Variants in CAMTA2 observed in about 807,000 individuals in gnomAD.
CAMTA2 encodes the protein calmodulin binding transcription activator 2.
Under a neutral mutation model 135.7 loss-of-function variants are expected in CAMTA2, and 56 were observed. The ratio of observed to expected loss-of-function variants is 0.41; its 90% CI spans 0.33 to 0.52. The LOEUF (loss-of-function observed/expected upper bound fraction) is 0.52, where lower values mean the gene tolerates loss of function less well. Among genes scored for constraint, CAMTA2 ranks in the 20% least tolerant of loss-of-function variants. The pLI is 0.16. For missense variants in CAMTA2, 1,358 were observed against 1,553.4 expected (o/e 0.87, Z 2.11); for synonymous variants, 591 against 604.6 (o/e 0.98, Z 0.33).
In CAMTA2 at chr17:4,985,909, G is replaced by A; in HGVS notation, c.106C>T (p.Pro36Ser). The A allele has an allele frequency of 1.2e-6, 2 of 1,613,920 alleles. No homozygotes were observed. The highest frequency in any genetic ancestry group is 1.7e-6 in the Non-Finnish European group (2 of 1,179,830). ...TTTGTATTCCACCGTAGCCTCTCTGGAGGCAGCAGCGGGCAGCGAGGAAGA... is the reference window on the plus strand; with the variant it reads ...TTTGTATTCCACCGTAGCCTCTCTGAAGGCAGCAGCGGGCAGCGAGGAAGA... ...ECLPRCPLLP[P>S]ERLRWNTNEE... The change falls in exon 3 of 23, where the codon CCA becomes TCA. Residue 36 changes from proline to serine, a missense_variant. Pro to Ser is a moderately conservative substitution (Grantham distance 74, BLOSUM62 -1). Around this residue, in one of 4 missense-constraint regions of CAMTA2, gnomAD observed 105 missense variants for 190.9 expected, o/e 0.55. Transcript: ENST00000348066.
chr17:4,987,355 A>G, intron 1 of CAMTA2: 1 of 1,355,318 alleles, frequency 7.4e-7, no homozygotes, highest in Non-Finnish European at 9.4e-7. Flanking sequence ...TGGGCGAGGG[A>G]CAGTGCAGGT....
Position 4,987,658 on chromosome 17 carries a change from C to G in CAMTA2, c.-130G>C, listed in dbSNP as rs1379951245. 1 of 1,519,982 alleles carries G rather than the reference C, an allele frequency of 6.6e-7. No homozygotes were observed. Among genetic ancestry groups the G allele is most frequent in the African/African-American group, 1.4e-5 (1 of 71,262 alleles). The allele number at this position is 1,519,982 out of a possible 1,614,324, so 94.2% of individuals were successfully genotyped here. On this transcript the variant is annotated 5_prime_UTR_variant, in exon 1 of 23. Transcript: ENST00000348066. Reference sequence around the variant, plus strand: ...ACCCCACACCGACCCCCCCCAGCGCCGGCTGACAGCGGCGTCTAACGTCAC... The same window carrying G: ...ACCCCACACCGACCCCCCCCAGCGCGGGCTGACAGCGGCGTCTAACGTCAC...
At chr17:4,986,487 C>CA in intron 1 of CAMTA2, 1 of 557,982 alleles carries the variant, frequency 1.8e-6, no homozygotes, top group Non-Finnish European at 3.2e-6. Flanking sequence ...GCAGACTGGA[C>CA]AGGAAGAGTG....
Position 4,981,847 on chromosome 17 carries a change from G to A in CAMTA2, c.412-16C>T. On this transcript the variant is annotated splice_polypyrimidine_tract_variant and intron_variant, in intron 6 of 22. Coordinates refer to ENST00000348066, the MANE Select transcript of CAMTA2 (RefSeq NM_015099.4). ...TGTCAGGGTTCTGAGAGTATAAGGGGACACACAGAGCCATGGGGTCCTGAG... is the reference window on the plus strand; with the variant it reads ...TGTCAGGGTTCTGAGAGTATAAGGGAACACACAGAGCCATGGGGTCCTGAG... 1 of 1,582,152 alleles carries A rather than the reference G, an allele frequency of 6.3e-7. No individual in the cohort carries two copies. Among genetic ancestry groups the A allele is most frequent in the South Asian group, 1.1e-5 (1 of 88,606 alleles).
At chr17:4,985,840 A>AG (rs773076081) in intron 3 of CAMTA2, 40 bp downstream of exon 3, 111 of 1,300,628 alleles carry the variant, frequency 8.5e-5, no homozygotes, top group Non-Finnish European at 1.2e-4. Context: ...CCAGCCTACT[A>AG]GGTCTTGCTG....
In CAMTA2 at chr17:4,972,886, C is replaced by T. The variant is rs1285939734; in HGVS notation, c.2386G>A (p.Val796Met). 6.2e-7 allele frequency: 1 copy of T among 1,613,912 alleles called. No homozygotes were observed. The highest frequency in any genetic ancestry group is 8.5e-7 in the Non-Finnish European group (1 of 1,180,010). ...PDSLGRLPLS[V>M]AHSRGHVRLA... is the part of the protein sequence containing the mutation. ...CGCACATGACCCCGGGAATGAGCCA[C>T]AGACAATGGCAGACGGCCCAGAGAG... The change falls in exon 15 of 23, where the codon GTG (valine) becomes ATG (methionine). Residue 796 changes from valine (V) to methionine (M), a missense_variant. Physicochemically the swap from Val to Met is conservative, Grantham distance 21. This residue lies in a region of CAMTA2 where 1,077 missense variants were observed against 1,127.5 expected (regional missense o/e 0.96). Transcript: ENST00000348066.
chr17:4,986,565 C>T lies in CAMTA2; in HGVS notation c.-64-279G>A, dbSNP rs956144399. On this transcript the variant is annotated intron_variant, in intron 1 of 22. Transcript: ENST00000348066. ...TGGCAGGGCTTGGGCCTCAGAGGCC[C>T]TAAACCTTGAGCTTTTGCACAGACT... is the stretch of plus-strand genomic sequence containing the variant. 6 of 514,052 alleles carry T rather than the reference C, an allele frequency of 1.2e-5. No individual in the cohort carries two copies. The South Asian group carries it at 1.5e-4, about 13-fold the overall frequency. 31.8% of individuals were successfully genotyped at this position (514,052 alleles called of 1,614,324 possible).
Position 4,982,805 on chromosome 17 carries a change from C to A in CAMTA2, c.291G>T (p.Gly97=), listed in dbSNP as rs764644679. 1 of 1,614,130 alleles carries A rather than the reference C, an allele frequency of 6.2e-7. No homozygotes were observed. The highest frequency in any genetic ancestry group is 1.6e-4 in the Middle Eastern group (1 of 6,062). The stretch of plus-strand genomic sequence containing the variant: ...TCATGTGGTCCTCTCGGGTGGTCTT[C>A]CCATCCTTCCGCTTCTTCCAGAGGT... ...DGYLWKKRKD[G]KTTREDHMKL... Residue 97 remains glycine, a synonymous_variant, in exon 5 of 23, where the codon GGG becomes GGT. Transcript: ENST00000348066.
At chr17:4,973,925 CTG>C in intron 12 of CAMTA2, 156 bp from the exon 13 acceptor site, 1 of 632,304 alleles carries the variant, frequency 1.6e-6, no homozygotes, top group Non-Finnish European at 2.7e-6. Context: ...CCTCTGTGGC[CTG>C]TGTCTCTTGC....
intron 1 of CAMTA2, 53 bp downstream of exon 1, chr17:4,987,540 C>G: frequency 6.7e-7 from 1 of 1,483,996 alleles, no homozygotes; most frequent in Non-Finnish European, 8.9e-7. Context: ...CCTGGAGGAG[C>G]TGCGCCCTCT....
Position 4,969,790 on chromosome 17 carries a change from T to G in CAMTA2, c.3190-89A>C. The G allele has an allele frequency of 6.3e-7, 1 of 1,592,568 alleles. No homozygotes were observed. The highest frequency in any genetic ancestry group is 8.6e-7 in the Non-Finnish European group (1 of 1,162,310). On this transcript the variant is annotated intron_variant, in intron 18 of 22. Coordinates refer to ENST00000348066, the MANE Select transcript of CAMTA2 (RefSeq NM_015099.4). The surrounding 1 kb of genome is among the most constrained non-coding windows in gnomAD (Gnocchi z 5.6). ...AACTTTCCTGGGGTTCCCCTGACCC[T>G]TTACCCCATCCAAGGCCTGTCTGCA...
chr17:4,978,271 A>G (rs1489103857), intron 10 of CAMTA2, among the ~76,000 whole-genome samples: 23 of 152,224 alleles, frequency 1.5e-4, no homozygotes. Flanking sequence ...ATCTGAGGTC[A>G]CTGGTTAGCT....
chr17:4,968,353 C>T lies in CAMTA2; in HGVS notation c.*403G>A. The stretch of plus-strand genomic sequence containing the variant: ...TGGGGACACGGTCAGCCCTGAAACA[C>T]GAGGGGCGTGCGCAGCGAAGGCAGT... On this transcript the variant is annotated 3_prime_UTR_variant, in exon 23 of 23. Coordinates refer to ENST00000348066, the MANE Select transcript of CAMTA2 (RefSeq NM_015099.4). The T allele has an allele frequency of 3.2e-6, 1 of 316,774 alleles. No homozygotes were observed. Among genetic ancestry groups the T allele is most frequent in the Non-Finnish European group, 6.0e-6 (1 of 165,910 alleles). The allele number at this position is 316,774 out of a possible 1,614,324, so 19.6% of individuals were successfully genotyped here. A position where few individuals can be genotyped will look rare whatever the true frequency, so the allele number is the denominator to read the frequency against.
At chr17:4,974,305 T>A in intron 12 of CAMTA2, 80 bp downstream of exon 12, 2 of 867,208 alleles carry the variant, frequency 2.3e-6, no homozygotes, top group Admixed American at 1.9e-5. Context: ...GGGAGGAGAG[T>A]CATGGGCACT....
At position 4,969,431 on chromosome 17, in the gene CAMTA2, CTG is replaced by C. The variant is rs1490721866; in HGVS notation, c.3282+67_3282+68del. The stretch of plus-strand genomic sequence containing the variant: ...CCAAGTTAGGCTGATGCAAGACTCT[CTG>C]TAACCCACACACTCAAGGAAAGACT... On this transcript the variant is annotated intron_variant, in intron 20 of 22. Coordinates refer to ENST00000348066, the MANE Select transcript of CAMTA2 (RefSeq NM_015099.4). This position sits in a 1 kb window ranked among gnomAD's most constrained non-coding sequence, Gnocchi z 5.6. 1 of 1,608,928 alleles carries C rather than the reference CTG, an allele frequency of 6.2e-7. No individual in the cohort carries two copies. Among genetic ancestry groups the C allele is most frequent in the Non-Finnish European group, 8.5e-7 (1 of 1,175,358 alleles).
In CAMTA2 at chr17:4,980,387, G is replaced by A; in HGVS notation, c.935C>T (p.Pro312Leu). The change falls in exon 9 of 23, where the codon CCC becomes CTC. Residue 312 changes from proline (P) to leucine (L), a missense_variant. Physicochemically the swap from Pro to Leu is moderately conservative, Grantham distance 98. Around this residue, in one of 4 missense-constraint regions of CAMTA2, gnomAD observed 1,077 missense variants for 1,127.5 expected, o/e 0.96. Coordinates refer to ENST00000348066, the MANE Select transcript of CAMTA2 (RefSeq NM_015099.4). The surrounding 1 kb of genome is among the most constrained non-coding windows in gnomAD (Gnocchi z 5.3). ...TCTTGAAGAACCCCCTCGAGAAGTG[G>A]GAGGGCTAGGTCTGATTTCTAGGGG... ...AEPLEIRPSP[P>L]TSRGGSSRGG... 6.2e-7 allele frequency: 1 copy of A among 1,614,120 alleles called. No individual in the cohort carries two copies. Among genetic ancestry groups the A allele is most frequent in the Non-Finnish European group, 8.5e-7 (1 of 1,179,992 alleles).
At chr17:4,982,217 C>A in intron 5 of CAMTA2, 57 bp from the exon 6 acceptor site, 1 of 1,143,400 alleles carries the variant, frequency 8.7e-7, no homozygotes, top group South Asian at 1.2e-5. Context: ...AACTCTTCCT[C>A]TGTTCAGTCC....
At chr17:4,981,612 A>T in intron 7 of CAMTA2, 66 bp downstream of exon 7, 1 of 1,509,652 alleles carries the variant, frequency 6.6e-7, no homozygotes, top group Admixed American at 2.1e-5. Context: ...GTCCAGAACC[A>T]TGGCCCCTCT....
At position 4,977,120 on chromosome 17, in the gene CAMTA2, T is replaced by G; in HGVS notation, c.1838A>C (p.Glu613Ala). 1 of 1,613,936 alleles carries G rather than the reference T, an allele frequency of 6.2e-7. No homozygotes were observed. Among genetic ancestry groups the G allele is most frequent in the Non-Finnish European group, 8.5e-7 (1 of 1,180,000 alleles). Residue 613 changes from glutamate to alanine, a missense_variant, in exon 11 of 23, where the codon GAG becomes GCG. Around this residue, in one of 4 missense-constraint regions of CAMTA2, gnomAD observed 1,077 missense variants for 1,127.5 expected, o/e 0.96. Transcript: ENST00000348066. ...EGPLSASVLFEYRARRFLSLP... is the reference protein window; with the variant it reads ...EGPLSASVLFAYRARRFLSLP... ...AGACAGGAATCGGCGGGCTCGATACTCAAAGAGCACAGAAGCAGAAAGGGG... is the reference window on the plus strand; with the variant it reads ...AGACAGGAATCGGCGGGCTCGATACGCAAAGAGCACAGAAGCAGAAAGGGG...
Sources: gnomAD v4.1 joint callset for allele counts (sites outside exome capture counted in the v4.1 genomes callset) on GRCh38, gnomAD v4.1.1 for gene constraint, gnomAD v4.1.1 regional missense constraint, Gnocchi (gnomAD v3.1) non-coding constraint, MANE v1.5 for transcripts, NCBI Gene and HGNC (gene_info 2026-07-23, HGNC 2026-07-21) for gene names.